OR7C1: variants seen among roughly 807,000 people sequenced by gnomAD.
OR7C1 encodes olfactory receptor 7C1.
For synonymous variants in OR7C1, 152 were observed against 160.7 expected, an observed-to-expected ratio of 0.95 and a Z score of 0.41; for missense variants, 324 against 383.3, an observed-to-expected ratio of 0.85 and a Z score of 1.29.
At chr19:14,828,061 A>G (rs2044790937) in intron 1 of OR7C1, 3 of 1,614,190 alleles carry the variant, frequency 1.9e-6, no homozygotes, top group Non-Finnish European at 2.5e-6. Context: ...GAGAGGAAGA[A>G]GTACATGGGG....
intron 2 of OR7C1, among the ~76,000 whole-genome samples, chr19:14,802,158 A>G (rs371673388): frequency 6.6e-6 from 1 of 152,244 alleles, no homozygotes; most frequent in East Asian, 1.9e-4. Context: ...GCTGAATATG[A>G]CAACCCCACA....
intron 1 of OR7C1, among the ~76,000 whole-genome samples, chr19:14,816,171 A>C (rs923735289): frequency 3.9e-5 from 6 of 152,146 alleles, no homozygotes; most frequent in Admixed American, 3.9e-4. Flanking sequence ...AGCGTACCCC[A>C]TAAGTGTATA....
At chr19:14,824,522 G>A (rs938323512) in intron 1 of OR7C1, 2 of 152,192 alleles carry the variant, frequency 1.3e-5, no homozygotes, top group African/African-American at 4.8e-5. Context: ...TAATGGCCTT[G>A]AGTTCTCTCC....
intron 1 of OR7C1, among the ~76,000 whole-genome samples, chr19:14,820,010 G>T (rs953299571): frequency 2.6e-5 from 4 of 152,182 alleles, no homozygotes; most frequent in Admixed American, 1.3e-4. Context: ...GGGTTCAAGT[G>T]ATTCTTGTGC....
intron 1 of OR7C1, among the ~76,000 whole-genome samples, chr19:14,833,433 C>T (rs1342944082): frequency 6.6e-6 from 1 of 152,120 alleles, no homozygotes; most frequent in East Asian, 1.9e-4. Context: ...GAGCCAAGAT[C>T]GCACCACTGC....
chr19:14,803,233 G>A lies in OR7C1; in HGVS notation c.-434-2469C>T, dbSNP rs1210451723. On this transcript the variant is annotated intron_variant, in intron 2 of 4. Transcript: ENST00000641666. ...GAGGCACAAGAGTCACTTGAAACTG[G>A]GAGATGGAGGTTGCAGTGAGCCGAG... 2.7e-5 allele frequency among the ~76,000 whole-genome samples: 4 copies of A among 147,166 alleles called. No homozygotes were observed. In the East Asian group the frequency reaches 7.9e-4, roughly 29 times the overall value.
intron 1 of OR7C1, chr19:14,827,514 G>C: frequency 6.2e-7 from 1 of 1,614,176 alleles, no homozygotes; most frequent in Non-Finnish European, 8.5e-7. Context: ...TGAGAGGTGA[G>C]ATGCACAGGT....
chr19:14,804,600 G>A (rs8112394), intron 2 of OR7C1, among the ~76,000 whole-genome samples: 3,783 of 152,068 alleles, frequency 0.025, 219 homozygotes, highest in African/African-American at 0.086. Flanking sequence ...GAGGCTCAAT[G>A]CCTGGGCTTC....
intron 1 of OR7C1, among the ~76,000 whole-genome samples, chr19:14,823,573 T>C (rs2044751311): frequency 7.2e-5 from 11 of 152,232 alleles, no homozygotes; most frequent in Admixed American, 7.2e-4. Flanking sequence ...CCAAATAGTG[T>C]ACATTGTACC....
chr19:14,828,124 GCA>G (rs1478600782), intron 1 of OR7C1: 1 of 1,614,012 alleles, frequency 6.2e-7, no homozygotes, highest in Non-Finnish European at 8.5e-7. Flanking sequence ...AGGTTCCCGA[GCA>G]CAGTGACCAG....
intron 1 of OR7C1, among the ~76,000 whole-genome samples, chr19:14,819,754 A>G (rs1289980090): frequency 6.6e-6 from 1 of 152,164 alleles, no homozygotes; most frequent in Non-Finnish European, 1.5e-5. Flanking sequence ...AACTTTACAT[A>G]CTGTTGTTTT....
exon 5 of OR7C1, chr19:14,799,954 G>A (rs2044632768): frequency 1.2e-6 from 2 of 1,614,046 alleles, no homozygotes; most frequent in South Asian, 1.1e-5. Context: ...TGGAGAGGAA[G>A]AAGTACATGG....
At chr19:14,805,315 T>C (rs2044661131) in intron 2 of OR7C1, among the ~76,000 whole-genome samples, 1 of 151,494 alleles carries the variant, frequency 6.6e-6, no homozygotes, top group Non-Finnish European at 1.5e-5. Flanking sequence ...ATTGAGACCC[T>C]GGTGCCTTCT....
chr19:14,820,076 A>T (rs2145067594), intron 1 of OR7C1, among the ~76,000 whole-genome samples: 1 of 151,848 alleles, frequency 6.6e-6, no homozygotes, highest in South Asian at 2.1e-4. Context: ...TGCCCAGCTA[A>T]TTTTTTGTAT....
chr19:14,822,194 GATTTC>G (rs1265817659), intron 1 of OR7C1, among the ~76,000 whole-genome samples: 1 of 152,024 alleles, frequency 6.6e-6, no homozygotes, highest in Non-Finnish European at 1.5e-5. Flanking sequence ...TCAACATACT[GATTTC>G]ATTTCCTTTG....
chr19:14,801,405 G>A (rs935455312), intron 2 of OR7C1, among the ~76,000 whole-genome samples: 9 of 152,008 alleles, frequency 5.9e-5, no homozygotes, highest in Middle Eastern at 3.2e-3. Context: ...TTACATGTTC[G>A]TTTTGTGAGT....
chr19:14,816,353 C>T (rs1393572592), intron 1 of OR7C1, among the ~76,000 whole-genome samples: 1 of 152,108 alleles, frequency 6.6e-6, no homozygotes, highest in Non-Finnish European at 1.5e-5. Flanking sequence ...AGTCAGTGAA[C>T]TGAAGGAGGC....
chr19:14,817,036 C>A (rs1300343289), intron 1 of OR7C1, among the ~76,000 whole-genome samples: 1 of 151,944 alleles, frequency 6.6e-6, no homozygotes, highest in African/African-American at 2.4e-5. Context: ...AGCTGTGGCC[C>A]TCAGAGAATA....
At chr19:14,823,345 G>A (rs548409025) in intron 1 of OR7C1, among the ~76,000 whole-genome samples, 8 of 152,244 alleles carry the variant, frequency 5.3e-5, no homozygotes, top group East Asian at 1.9e-4. Flanking sequence ...CCAGCTACTC[G>A]GGAGGCTGAG....
Sources: allele counts gnomAD v4.1 joint callset (sites outside exome capture counted in the v4.1 genomes callset), GRCh38; gene constraint gnomAD v4.1.1; transcripts MANE v1.5; gene names NCBI Gene and HGNC (gene_info 2026-07-23, HGNC 2026-07-21).